ATP10A: variants seen among roughly 807,000 people sequenced by gnomAD.
ATP10A encodes the protein ATPase phospholipid transporting 10A (putative).
In ATP10A, 111 loss-of-function variants were observed where a neutral mutation model predicts 147.8. That is an observed-to-expected ratio of 0.75 (90% CI 0.64 to 0.88). The LOEUF (loss-of-function observed/expected upper bound fraction) is 0.88, where lower values mean the gene tolerates loss of function less well. ATP10A is among the 40% of genes least tolerant of loss of function. The probability of loss-of-function intolerance (pLI) is 0.00; values close to 1 mark genes in which losing one functional copy is unlikely to be tolerated. For missense variants in ATP10A, 1,927 were observed against 1,959.0 expected, an observed-to-expected ratio of 0.98 and a Z score of 0.31; for synonymous variants, 875 against 841.6, an observed-to-expected ratio of 1.04 and a Z score of -0.69.
rs749921069 is a variant in ATP10A, at chr15:25,862,656, G to A, written c.441C>T (p.Val147=). ...DHKINHLGCL[V]FSREEKKYVN... is the part of the protein sequence containing the mutation. ...CCGCCCGCCCAACTCACCTGCTGAAGACCAGGCAGCCCAGGTGGTTGATCT... is the reference window on the plus strand; with the variant it reads ...CCGCCCGCCCAACTCACCTGCTGAAAACCAGGCAGCCCAGGTGGTTGATCT... Residue 147 remains valine, a synonymous_variant, in exon 1 of 21, where the codon GTC becomes GTT. Coordinates refer to ENST00000555815, the MANE Select transcript of ATP10A (RefSeq NM_024490.4). 6.3e-7 allele frequency: 1 copy of A among 1,582,698 alleles called. No homozygotes were observed. The highest frequency in any genetic ancestry group is 1.1e-5 in the South Asian group (1 of 87,350).
chr15:25,731,830 T>C (rs1431097567), intron 3 of ATP10A, among the ~76,000 whole-genome samples: 1 of 152,226 alleles, frequency 6.6e-6, no homozygotes, highest in Non-Finnish European at 1.5e-5. Flanking sequence ...TACTATAATG[T>C]TCACTCATTT....
downstream of ATP10A, among the ~76,000 whole-genome samples, chr15:25,675,431 G>A (rs982377588): frequency 3.3e-5 from 5 of 152,284 alleles, no homozygotes; most frequent in South Asian, 4.2e-4. Flanking sequence ...CCAGGTTGAC[G>A]TTGTGTGAGA....
At chr15:25,707,462 T>C (rs1160132979) in intron 12 of ATP10A, among the ~76,000 whole-genome samples, 1 of 152,210 alleles carries the variant, frequency 6.6e-6, no homozygotes, top group African/African-American at 2.4e-5. Context: ...AAAGTAAGCA[T>C]TAACATAATA....
At chr15:25,855,153 ATAT>A (rs1893459531) in intron 1 of ATP10A, among the ~76,000 whole-genome samples, 1 of 152,104 alleles carries the variant, frequency 6.6e-6, no homozygotes, top group Non-Finnish European at 1.5e-5. Flanking sequence ...TACTTTTCTG[ATAT>A]CAAAACCAGA....
intron 2 of ATP10A, among the ~76,000 whole-genome samples, chr15:25,752,598 A>G (rs1489968130): frequency 6.6e-6 from 1 of 152,174 alleles, no homozygotes; most frequent in Non-Finnish European, 1.5e-5. Context: ...AAGATATGTG[A>G]ATCTTCCAAC....
intron 2 of ATP10A, among the ~76,000 whole-genome samples, chr15:25,780,046 A>T (rs1015172634): frequency 1.6e-4 from 24 of 152,260 alleles, no homozygotes; most frequent in African/African-American, 4.8e-4. Flanking sequence ...TAGAGCGGAG[A>T]CAGGGATGCT....
rs1184695810 is a variant in ATP10A at position 25,679,146 on chromosome 15, G to C, written c.*195C>G. 6.2e-6 allele frequency: 2 copies of C among 323,816 alleles called. No homozygotes were observed. Among genetic ancestry groups the C allele is most frequent in the Non-Finnish European group, 1.0e-5 (2 of 191,750 alleles). 20.1% of individuals were successfully genotyped at this position (323,816 alleles called of 1,614,324 possible). On this transcript the variant is annotated 3_prime_UTR_variant, in exon 21 of 21. Coordinates refer to ENST00000555815, the MANE Select transcript of ATP10A (RefSeq NM_024490.4). The stretch of plus-strand genomic sequence containing the variant: ...TCTTTAAACTTTTATATATGTTAAG[G>C]CTCTTCTTTTTCTTTTCAATATACT...
chr15:25,770,167 G>GTCCCCACCC (rs1889259296), intron 2 of ATP10A, among the ~76,000 whole-genome samples: 1 of 150,838 alleles, frequency 6.6e-6, no homozygotes, highest in Non-Finnish European at 1.5e-5. Flanking sequence ...GGTGGGGAGG[G>GTCCCCACCC]GCCCCACCCA....
chr15:25,795,174 T>C (rs1247968997), intron 1 of ATP10A, among the ~76,000 whole-genome samples: 5 of 152,128 alleles, frequency 3.3e-5, no homozygotes, highest in Non-Finnish European at 5.9e-5. Context: ...CGCGCAAGCA[T>C]ACAACAATGA....
chr15:25,840,394 T>A (rs928844187), intron 1 of ATP10A, among the ~76,000 whole-genome samples: 2 of 152,194 alleles, frequency 1.3e-5, no homozygotes, highest in African/African-American at 4.8e-5. Flanking sequence ...CCCTTCTTTC[T>A]GTTCATAATT....
At chr15:25,691,025 C>T (rs74003864) in intron 15 of ATP10A, among the ~76,000 whole-genome samples, 2,927 of 152,174 alleles carry the variant, frequency 0.019, 92 homozygotes, top group African/African-American at 0.066. Flanking sequence ...CATTACTGAT[C>T]GAACCACTGA....
chr15:25,787,124 A>G (rs1890207909), intron 1 of ATP10A, among the ~76,000 whole-genome samples: 1 of 152,074 alleles, frequency 6.6e-6, no homozygotes, highest in Non-Finnish European at 1.5e-5. Context: ...CAAAAGTCAC[A>G]CAAACCTGGG....
chr15:25,784,864 G>A (rs1890083124), intron 1 of ATP10A, among the ~76,000 whole-genome samples: 1 of 151,784 alleles, frequency 6.6e-6, no homozygotes, highest in East Asian at 1.9e-4. Context: ...GGAGGCTGCA[G>A]TGAGCCGAGA....
At chr15:25,745,429 A>AAAGAGAAGGAGGCC (rs1887797246) in intron 2 of ATP10A, among the ~76,000 whole-genome samples, 2 of 152,150 alleles carry the variant, frequency 1.3e-5, no homozygotes. Flanking sequence ...AGTAGTGTTA[A>AAAGAGAAGGAGGCC]AAGAGAAGGA....
At chr15:25,684,549 G>T (rs1009196075) in intron 16 of ATP10A, among the ~76,000 whole-genome samples, 1 of 152,150 alleles carries the variant, frequency 6.6e-6, no homozygotes, top group South Asian at 2.1e-4. Context: ...CAGGCAGGGC[G>T]AGTGCTCTTA....
At chr15:25,698,443 T>C (rs1186642936) in intron 13 of ATP10A, among the ~76,000 whole-genome samples, 1 of 152,214 alleles carries the variant, frequency 6.6e-6, no homozygotes, top group Non-Finnish European at 1.5e-5. Flanking sequence ...TTTTCTTTTC[T>C]CTAGCTTACT....
At chr15:25,802,109 G>C (rs940938339) in intron 1 of ATP10A, among the ~76,000 whole-genome samples, 19 of 152,240 alleles carry the variant, frequency 1.2e-4, no homozygotes, top group Admixed American at 1.2e-3. Flanking sequence ...TCGGTAAAAT[G>C]TTGCTTTTGG....
At chr15:25,836,576 A>C (rs1182642769) in intron 1 of ATP10A, among the ~76,000 whole-genome samples, 1 of 152,200 alleles carries the variant, frequency 6.6e-6, no homozygotes, top group East Asian at 1.9e-4. Context: ...GGACAGGCCC[A>C]GCACCTTCTG....
intron 1 of ATP10A, among the ~76,000 whole-genome samples, chr15:25,835,469 C>G (rs1892549274): frequency 6.6e-6 from 1 of 152,118 alleles, no homozygotes; most frequent in African/African-American, 2.4e-5. Context: ...TCCCTGGTCG[C>G]AGTGAGGGCA....
Sources: gnomAD v4.1 joint callset for allele counts (sites outside exome capture counted in the v4.1 genomes callset) on GRCh38, gnomAD v4.1.1 for gene constraint, MANE v1.5 for transcripts, NCBI Gene and HGNC (gene_info 2026-07-23, HGNC 2026-07-21) for gene names.